The following NALCN variants were observed in gnomAD, a reference collection of about 807,000 sequenced individuals.
NALCN encodes the protein sodium leak channel, non-selective.
In NALCN, 111 loss-of-function variants were observed where a neutral mutation model predicts 225.3. The observed-to-expected ratio is 0.49, with a 90% CI of 0.42 to 0.58. The LOEUF (loss-of-function observed/expected upper bound fraction) is 0.58, where lower values mean the gene tolerates loss of function less well. NALCN is among the 20% of genes least tolerant of loss of function. The pLI, the probability that NALCN is intolerant of heterozygous loss-of-function variation, is 0.00. For synonymous variants in NALCN, 764 were observed against 769.0 expected, an observed-to-expected ratio of 0.99 and a Z score of 0.11; for missense variants, 1,378 against 2,202.4, an observed-to-expected ratio of 0.63 and a Z score of 7.49.
intron 9 of NALCN, among the ~76,000 whole-genome samples, chr13:101,286,924 TC>T (rs1002067479): frequency 3.7e-4 from 56 of 151,476 alleles, no homozygotes; most frequent in Admixed American, 7.3e-4. Context: ...AAACATAGGA[TC>T]TTTTTTTGTA....
chr13:101,073,515 C>T (rs2033040599), intron 37 of NALCN, 69 bp downstream of exon 37: 3 of 1,311,000 alleles, frequency 2.3e-6, no homozygotes, highest in Middle Eastern at 1.8e-4. Flanking sequence ...ATGATCCTGC[C>T]AACATTGTGT....
At chr13:101,355,190 T>C (rs113795123) in intron 6 of NALCN, among the ~76,000 whole-genome samples, 207 of 152,280 alleles carry the variant, frequency 1.4e-3, no homozygotes, top group African/African-American at 4.8e-3. Context: ...CCATGCTTCC[T>C]GTACAGCCTG....
At position 101,071,720 on chromosome 13, in the gene NALCN, C is replaced by A. The variant is rs1014553945; in HGVS notation, c.4197+1864G>T. Among the ~76,000 whole-genome samples, 29 of 152,220 alleles carry A rather than the reference C, an allele frequency of 1.9e-4. 1 individual carries two copies. The highest frequency in any genetic ancestry group is 6.3e-4 in the African/African-American group (26 of 41,468). On this transcript the variant is annotated intron_variant, in intron 37 of 43. Transcript: ENST00000251127. ...ATCAGTCATGTGTTCACTGGAGTAG[C>A]ATTTTAATTCCCTTCAAGAACTTTT...
intron 9 of NALCN, among the ~76,000 whole-genome samples, chr13:101,285,304 T>C (rs1181485101): frequency 6.6e-6 from 1 of 152,142 alleles, no homozygotes; most frequent in Admixed American, 6.5e-5. Flanking sequence ...TTATTATTTA[T>C]TTATTTTTGG....
intron 15 of NALCN, among the ~76,000 whole-genome samples, chr13:101,159,389 C>T (rs1352345780): frequency 1.3e-5 from 2 of 152,148 alleles, no homozygotes; most frequent in Non-Finnish European, 2.9e-5. Context: ...GTAGACCCAG[C>T]TCTTCATCAT....
chr13:101,166,405 G>GT (rs55825099), intron 15 of NALCN, among the ~76,000 whole-genome samples: 66 of 148,996 alleles, frequency 4.4e-4, no homozygotes, highest in Admixed American at 1.0e-3. Context: ...TTGCCAAACT[G>GT]TTTTTTTTTT....
At chr13:101,248,782 C>T (rs879550161) in intron 11 of NALCN, among the ~76,000 whole-genome samples, 2 of 152,158 alleles carry the variant, frequency 1.3e-5, no homozygotes, top group Non-Finnish European at 2.9e-5. Flanking sequence ...TGATTTGCAA[C>T]CTTTTTGCTT....
chr13:101,117,342 G>T (rs1459695942), intron 18 of NALCN, among the ~76,000 whole-genome samples: 1 of 152,138 alleles, frequency 6.6e-6, no homozygotes, highest in Non-Finnish European at 1.5e-5. Context: ...CTGCAACCCC[G>T]CATCATTCAC....
rs144853615 is a variant in NALCN, at chr13:101,210,705, T to C, written c.1627-18651A>G. Among the ~76,000 whole-genome samples, 963 of 152,330 alleles carry C rather than the reference T, an allele frequency of 6.3e-3. 5 individuals carry two copies. The highest frequency in any genetic ancestry group is 0.01 in the Middle Eastern group (3 of 294). ...CTTGGATGCTGGGCTACCTCAGTGC[T>C]GCTAGGAATTCAGCATGCCATGCTA... On this transcript the variant is annotated intron_variant, in intron 13 of 43. Coordinates refer to ENST00000251127, the MANE Select transcript of NALCN (RefSeq NM_052867.4).
intron 7 of NALCN, among the ~76,000 whole-genome samples, chr13:101,297,732 C>T (rs1224722098): frequency 6.6e-6 from 1 of 152,194 alleles, no homozygotes; most frequent in Non-Finnish European, 1.5e-5. Flanking sequence ...TTATCTGGTC[C>T]TTTAACTCTT....
At chr13:101,413,608 G>A (rs114130803) in intron 1 of NALCN, among the ~76,000 whole-genome samples, 1,612 of 152,200 alleles carry the variant, frequency 0.011, 28 homozygotes, top group African/African-American at 0.037. Context: ...ACAACTACCT[G>A]AAGTCAAGCC....
intron 18 of NALCN, among the ~76,000 whole-genome samples, chr13:101,112,018 T>C (rs141863086): frequency 9.2e-4 from 140 of 152,300 alleles, no homozygotes; most frequent in African/African-American, 3.3e-3. Flanking sequence ...CAAGGAGATT[T>C]TGTAGAACTT....
chr13:101,203,578 T>C (rs2040207559), intron 13 of NALCN, among the ~76,000 whole-genome samples: 1 of 152,224 alleles, frequency 6.6e-6, no homozygotes, highest in Non-Finnish European at 1.5e-5. Context: ...TGATTCCATT[T>C]TTATAAAGTT....
At chr13:101,291,786 G>A (rs975891125) in intron 9 of NALCN, among the ~76,000 whole-genome samples, 1 of 152,084 alleles carries the variant, frequency 6.6e-6, no homozygotes, top group African/African-American at 2.4e-5. Flanking sequence ...CTGGGCTCAA[G>A]CAATCCCTCT....
intron 11 of NALCN, among the ~76,000 whole-genome samples, chr13:101,253,259 C>T (rs1301056709): frequency 6.6e-6 from 1 of 152,122 alleles, no homozygotes; most frequent in African/African-American, 2.4e-5. Flanking sequence ...AGCTTCACAA[C>T]AGAAGCTAAG....
At chr13:101,174,566 T>A (rs1333362555) in intron 15 of NALCN, among the ~76,000 whole-genome samples, 4 of 152,102 alleles carry the variant, frequency 2.6e-5, no homozygotes, top group Non-Finnish European at 5.9e-5. Flanking sequence ...TGACAAAAAA[T>A]TTAAGTAGGC....
At chr13:101,066,967 A>C (rs1308765849) in intron 39 of NALCN, among the ~76,000 whole-genome samples, 1 of 151,512 alleles carries the variant, frequency 6.6e-6, no homozygotes, top group Non-Finnish European at 1.5e-5. Context: ...CCCAACCCCA[A>C]CTACTGTCTA....
chr13:101,235,634 T>C (rs1206752540), intron 12 of NALCN, among the ~76,000 whole-genome samples: 1 of 152,164 alleles, frequency 6.6e-6, no homozygotes, highest in Non-Finnish European at 1.5e-5. Context: ...ATGTCACTTA[T>C]GATAGCTAAG....
intron 12 of NALCN, among the ~76,000 whole-genome samples, chr13:101,235,988 AT>A (rs2041540233): frequency 6.6e-6 from 1 of 152,192 alleles, no homozygotes; most frequent in Non-Finnish European, 1.5e-5. Context: ...GTTTCTCAAA[AT>A]TACTTCTTTA....
Sources: gnomAD v4.1 joint callset for allele counts (sites outside exome capture counted in the v4.1 genomes callset) on GRCh38, gnomAD v4.1.1 for gene constraint, MANE v1.5 for transcripts, NCBI Gene and HGNC (gene_info 2026-07-23, HGNC 2026-07-21) for gene names.